The following RRBP1 variants were observed in gnomAD, a reference collection of about 807,000 sequenced individuals.
RRBP1 encodes the protein ribosome binding protein 1.
In RRBP1, 94 loss-of-function variants were observed where a neutral mutation model predicts 165.2. That is an observed-to-expected ratio of 0.57 (90% CI 0.48 to 0.68). The LOEUF (loss-of-function observed/expected upper bound fraction) is 0.68, where lower values mean the gene tolerates loss of function less well. Ranked by LOEUF, RRBP1 falls within the 30% of genes least tolerant of loss-of-function variation. RRBP1 has a pLI of 0.00. For synonymous variants in RRBP1, 680 were observed against 714.5 expected, an observed-to-expected ratio of 0.95 and a Z score of 0.77; for missense variants, 1,676 against 1,763.0, an observed-to-expected ratio of 0.95 and a Z score of 0.88.
At chr20:17,647,179 C>A (rs1353085738) in intron 3 of RRBP1, among the ~76,000 whole-genome samples, 1 of 152,236 alleles carries the variant, frequency 6.6e-6, no homozygotes, top group Non-Finnish European at 1.5e-5. Flanking sequence ...CACCTGCATA[C>A]CCAGCAGTTC....
At chr20:17,620,643 G>A (rs1377734198) in intron 17 of RRBP1, 72 bp downstream of exon 17, 1 of 1,168,862 alleles carries the variant, frequency 8.6e-7, no homozygotes, top group Non-Finnish European at 1.3e-6. Context: ...AGGTGACAGA[G>A]ACAATCCTGT....
At chr20:17,668,538 G>A (rs1215769066) in intron 2 of RRBP1, among the ~76,000 whole-genome samples, 1 of 152,210 alleles carries the variant, frequency 6.6e-6, no homozygotes, top group Non-Finnish European at 1.5e-5. Flanking sequence ...TTTTACAAGA[G>A]GCATGGTCTC....
At chr20:17,675,686 A>C (rs761111235) in intron 2 of RRBP1, among the ~76,000 whole-genome samples, 5 of 152,208 alleles carry the variant, frequency 3.3e-5, no homozygotes, top group Non-Finnish European at 2.9e-5. Context: ...AAAGGCCCGG[A>C]GGCAGAAGCA....
chr20:17,619,061 C>T lies in RRBP1; in HGVS notation c.3676-382G>A, dbSNP rs967038924. The T allele has an allele frequency of 1.9e-5, 4 of 208,322 alleles. No individual in the cohort carries two copies. In the South Asian group the frequency reaches 2.6e-4, roughly 13 times the overall value. 12.9% of individuals were successfully genotyped at this position (208,322 alleles called of 1,614,324 possible). On this transcript the variant is annotated intron_variant, in intron 19 of 24. Coordinates refer to ENST00000377813, the MANE Select transcript of RRBP1 (RefSeq NM_001365613.2). ...CATCAGCCTCCTAAGCAGCTGGGAACGGAGGTGCCCACCAGTGTGCCTGGC... is the reference window on the plus strand; with the variant it reads ...CATCAGCCTCCTAAGCAGCTGGGAATGGAGGTGCCCACCAGTGTGCCTGGC...
At chr20:17,624,290 GTGTGCGTCCTAGTGCACC>G (rs1207038812) in intron 13 of RRBP1, among the ~76,000 whole-genome samples, 6 of 152,378 alleles carry the variant, frequency 3.9e-5, no homozygotes, top group East Asian at 1.9e-4. Flanking sequence ...TTAGTGCACT[GTGTGCGTCCTAGTGCACC>G]TGTGCGTCTG....
Position 17,614,605 on chromosome 20 carries a change from T to C in RRBP1, c.4194+132A>G, listed in dbSNP as rs2035755495. ...CCCACTACCTCCGCCCAGCTCTGCCTCCCCTGGGGCTCCCAGCCCAGCGCT... is the reference window on the plus strand; with the variant it reads ...CCCACTACCTCCGCCCAGCTCTGCCCCCCCTGGGGCTCCCAGCCCAGCGCT... On this transcript the variant is annotated intron_variant, in intron 24 of 24. Coordinates refer to ENST00000377813, the MANE Select transcript of RRBP1 (RefSeq NM_001365613.2). The C allele has an allele frequency of 5.1e-6, 6 of 1,171,708 alleles. No individual in the cohort carries two copies. The South Asian group carries it at 7.3e-5, about 14-fold the overall frequency. The allele number at this position is 1,171,708 out of a possible 1,614,324, so 72.6% of individuals were successfully genotyped here. A position where few individuals can be genotyped will look rare whatever the true frequency, so the allele number is the denominator to read the frequency against.
chr20:17,636,551 A>G, intron 6 of RRBP1, 26 bp downstream of exon 6: 1 of 1,605,100 alleles, frequency 6.2e-7, no homozygotes, highest in Non-Finnish European at 8.5e-7. Context: ...GTCCCTTCCC[A>G]TGCCCCCGCC....
intron 4 of RRBP1, among the ~76,000 whole-genome samples, chr20:17,642,311 G>C (rs6080755): frequency 0.15 from 22,754 of 152,190 alleles, 2,179 homozygotes; most frequent in Middle Eastern, 0.32. Flanking sequence ...GACCTGAGGA[G>C]AGCCAGGCCT....
At chr20:17,617,365 C>T (rs775175445) in intron 20 of RRBP1, among the ~76,000 whole-genome samples, 9 of 152,234 alleles carry the variant, frequency 5.9e-5, no homozygotes, top group South Asian at 2.1e-4. Context: ...AGGTGTCACT[C>T]GAGAGGCTCA....
At position 17,646,816 on chromosome 20, in the gene RRBP1, T is replaced by C. The variant is rs2036471188; in HGVS notation, c.1913-3689A>G. On this transcript the variant is annotated intron_variant, in intron 3 of 24. Transcript: ENST00000377813. ...GTGGCGTCCTTGGATGAGGCTTTTC[T>C]CTCTGTATAATTTCCAGGATCCCCC... is the stretch of plus-strand genomic sequence containing the variant. Among the ~76,000 whole-genome samples, 3 of 152,122 alleles carry C rather than the reference T, an allele frequency of 2.0e-5. No individual in the cohort carries two copies. The East Asian group carries it at 5.8e-4, about 29-fold the overall frequency.
At chr20:17,673,299 G>A (rs1035384767) in intron 2 of RRBP1, among the ~76,000 whole-genome samples, 1 of 152,230 alleles carries the variant, frequency 6.6e-6, no homozygotes, top group Non-Finnish European at 1.5e-5. Flanking sequence ...AAGTAACTGA[G>A]GCCAGGGTCA....
chr20:17,640,435 C>A (rs527476088), intron 5 of RRBP1, among the ~76,000 whole-genome samples: 34 of 151,532 alleles, frequency 2.2e-4, no homozygotes, highest in African/African-American at 8.2e-4. Context: ...AGGCCAGAGG[C>A]AGGGTGAGTG....
chr20:17,628,709 G>C (rs999681266), intron 9 of RRBP1, among the ~76,000 whole-genome samples: 7 of 152,194 alleles, frequency 4.6e-5, no homozygotes, highest in African/African-American at 1.7e-4. Flanking sequence ...CCCACCTCCG[G>C]GCCCTGTGCT....
chr20:17,615,837 C>T, intron 22 of RRBP1, 89 bp downstream of exon 22: 1 of 1,181,552 alleles, frequency 8.5e-7, no homozygotes, highest in Non-Finnish European at 1.2e-6. Context: ...CTGGGCACAG[C>T]CGAGCGGGGC....
chr20:17,621,385 C>T, intron 16 of RRBP1, 73 bp downstream of exon 16: 2 of 1,184,110 alleles, frequency 1.7e-6, no homozygotes, highest in Non-Finnish European at 1.2e-6. Flanking sequence ...CCACCTCCTG[C>T]CCCATAGGCC....
rs2035921030 is a variant in RRBP1 at position 17,621,883 on chromosome 20, A to C, written c.3212T>G (p.Leu1071Arg). 1.2e-6 allele frequency: 2 copies of C among 1,613,624 alleles called. No individual in the cohort carries two copies. The highest frequency in any genetic ancestry group is 1.7e-5 in the Admixed American group (1 of 59,990). The change falls in exon 14 of 25, where the codon CTC (leucine) becomes CGC (arginine). Residue 1071 changes from leucine (L) to arginine (R), a missense_variant. This residue lies in a region of RRBP1 where 1,184 missense variants were observed against 1,167.1 expected (regional missense o/e 1.01). Transcript: ENST00000377813. ...AQTMEALLALLPELSVLAQQN... is the reference protein window; with the variant it reads ...AQTMEALLALRPELSVLAQQN... ...TTGTGCCAAGACAGAGAGTTCTGGGAGCAGAGCCAGCAGGGCCTCCATGGT... is the reference window on the plus strand; with the variant it reads ...TTGTGCCAAGACAGAGAGTTCTGGGCGCAGAGCCAGCAGGGCCTCCATGGT...
In RRBP1 at chr20:17,627,263, C is replaced by A. The variant is rs1345205271; in HGVS notation, c.2963+85G>T. The A allele has an allele frequency of 3.5e-6, 5 of 1,409,344 alleles. No homozygotes were observed. In the African/African-American group the frequency reaches 7.2e-5, roughly 20 times the overall value. The allele number at this position is 1,409,344 out of a possible 1,614,324, so 87.3% of individuals were successfully genotyped here. On this transcript the variant is annotated intron_variant, in intron 11 of 24. Coordinates refer to ENST00000377813, the MANE Select transcript of RRBP1 (RefSeq NM_001365613.2). ...GCTCTTCTGCAGAGGACCTGAGCAC[C>A]CTCCTGAAAACCCTGGCCCCCCAAG...
chr20:17,624,217 G>C (rs1425263822), intron 13 of RRBP1, among the ~76,000 whole-genome samples: 1 of 152,238 alleles, frequency 6.6e-6, no homozygotes, highest in African/African-American at 2.4e-5. Context: ...GGGGGAGGTG[G>C]ATGTAGAGCC....
chr20:17,675,317 T>C (rs1412174388), intron 2 of RRBP1, among the ~76,000 whole-genome samples: 3 of 152,250 alleles, frequency 2.0e-5, no homozygotes, highest in East Asian at 1.9e-4. Context: ...TCAGGCTACA[T>C]GATATACTCG....
Sources: gnomAD v4.1 joint callset for allele counts (sites outside exome capture counted in the v4.1 genomes callset) on GRCh38, gnomAD v4.1.1 for gene constraint, gnomAD v4.1.1 regional missense constraint, MANE v1.5 for transcripts, NCBI Gene and HGNC (gene_info 2026-07-23, HGNC 2026-07-21) for gene names.